The following MFSD2A variants were observed in gnomAD, a reference collection of about 807,000 sequenced individuals.
MFSD2A encodes sodium-dependent lysophosphatidylcholine symporter 1.
A neutral mutation model predicts 64.7 loss-of-function variants in MFSD2A; 27 were observed. The observed-to-expected ratio is 0.42, with a 90% confidence interval of 0.31 to 0.58. The LOEUF (loss-of-function observed/expected upper bound fraction) is 0.58, where lower values mean the gene tolerates loss of function less well. Ranked by LOEUF, MFSD2A falls within the 20% of genes least tolerant of loss-of-function variation. MFSD2A has a pLI of 0.18. For synonymous variants in MFSD2A, 258 were observed against 273.4 expected, an observed-to-expected ratio of 0.94 and a Z score of 0.55; for missense variants, 474 against 679.5, an observed-to-expected ratio of 0.70 and a Z score of 3.36.
rs1378948804 is a variant in MFSD2A at position 39,955,880 on chromosome 1, G to GA, written c.93+497dup. On this transcript the variant is annotated intron_variant, in intron 1 of 13. Coordinates refer to ENST00000372811, the MANE Select transcript of MFSD2A (RefSeq NM_032793.5). The surrounding 1 kb of genome is among the most constrained non-coding windows in gnomAD (Gnocchi z 5.9). The stretch of plus-strand genomic sequence containing the variant: ...AGCCGCGTCCCTCAGGCATTTGTCT[G>GA]AATGTGGATGTTCGCGCGGGAACGG... 1 of 249,578 alleles carries GA rather than the reference G, an allele frequency of 4.0e-6. No individual in the cohort carries two copies. Among genetic ancestry groups the GA allele is most frequent in the Non-Finnish European group, 8.2e-6 (1 of 121,812 alleles). 15.5% of individuals were successfully genotyped at this position (249,578 alleles called of 1,614,324 possible). A position where few individuals can be genotyped will look rare whatever the true frequency, so the allele number is the denominator to read the frequency against.
In MFSD2A at chr1:39,966,608, C is replaced by T; in HGVS notation, c.722C>T (p.Ala241Val). ...GTTSHRETQK[A>V]YLLAAGVIVC... ...GCCTTCACCTCCTTATAGCAAAAGGCATACCTGCTGGCAGCGGGGGTCATT... is the reference window on the plus strand; with the variant it reads ...GCCTTCACCTCCTTATAGCAAAAGGTATACCTGCTGGCAGCGGGGGTCATT... Residue 241 changes from alanine (A) to valine (V), a missense_variant, in exon 7 of 14, where the codon GCA becomes GTA. Ala to Val is a moderately conservative substitution (Grantham distance 64). Coordinates refer to ENST00000372811, the MANE Select transcript of MFSD2A (RefSeq NM_032793.5). The T allele has an allele frequency of 1.2e-6, 2 of 1,612,504 alleles. No homozygotes were observed. The highest frequency in any genetic ancestry group is 1.7e-6 in the Non-Finnish European group (2 of 1,179,124).
Position 39,969,925 on chromosome 1 carries a change from A to C in MFSD2A, c.*357A>C. On this transcript the variant is annotated 3_prime_UTR_variant, in exon 14 of 14. Transcript: ENST00000372811. ...GTATGTATATGTCTGTGAGCTATTA[A>C]TGTTATTAATTTTCATAAAAGCTGG... 1 of 227,432 alleles carries C rather than the reference A, an allele frequency of 4.4e-6. No individual in the cohort carries two copies. The highest frequency in any genetic ancestry group is 8.6e-6 in the Non-Finnish European group (1 of 116,104). 14.1% of individuals were successfully genotyped at this position (227,432 alleles called of 1,614,324 possible). A position where few individuals can be genotyped will look rare whatever the true frequency, so the allele number is the denominator to read the frequency against.
At position 39,958,616 on chromosome 1, in the gene MFSD2A, G is replaced by A; in HGVS notation, c.229-85G>A. ...GTCACAAGATCCTGGCTGAGATAGG[G>A]AGGGAGCCTCTGCTTCTGCCTACCA... On this transcript the variant is annotated intron_variant, in intron 2 of 13. Coordinates refer to ENST00000372811, the MANE Select transcript of MFSD2A (RefSeq NM_032793.5). This position sits in a 1 kb window ranked among gnomAD's most constrained non-coding sequence, Gnocchi z 4.7. The A allele has an allele frequency of 6.2e-7, 1 of 1,611,772 alleles. No individual in the cohort carries two copies. Among genetic ancestry groups the A allele is most frequent in the Non-Finnish European group, 8.5e-7 (1 of 1,178,080 alleles).
chr1:39,965,803 C>T lies in MFSD2A; in HGVS notation c.557-54C>T, dbSNP rs1451861966. 5 of 1,604,542 alleles carry T rather than the reference C, an allele frequency of 3.1e-6. No individual in the cohort carries two copies. The Admixed American group carries it at 6.7e-5, about 21-fold the overall frequency. ...GGCTCCCACCCATTTGACCTTCCTCCCTGGGCCCACAATCCATGAGGCCCC... is the reference window on the plus strand; with the variant it reads ...GGCTCCCACCCATTTGACCTTCCTCTCTGGGCCCACAATCCATGAGGCCCC... On this transcript the variant is annotated intron_variant, in intron 5 of 13. Transcript: ENST00000372811. This position sits in a 1 kb window ranked among gnomAD's most constrained non-coding sequence, Gnocchi z 5.5.
Position 39,955,512 on chromosome 1 carries a change from C to T in MFSD2A, c.93+127C>T. 7.8e-6 allele frequency: 8 copies of T among 1,023,378 alleles called. No individual in the cohort carries two copies. Among genetic ancestry groups the T allele is most frequent in the Non-Finnish European group, 1.2e-5 (8 of 680,234 alleles). 63.4% of individuals were successfully genotyped at this position (1,023,378 alleles called of 1,614,324 possible). On this transcript the variant is annotated intron_variant, in intron 1 of 13. Transcript: ENST00000372811. This position sits in a 1 kb window ranked among gnomAD's most constrained non-coding sequence, Gnocchi z 5.9. ...TAGCCAGGGACAGGAAGCCTACGAGCCAGAGAGGACCTGGGGGTGCCCTGG... is the reference window on the plus strand; with the variant it reads ...TAGCCAGGGACAGGAAGCCTACGAGTCAGAGAGGACCTGGGGGTGCCCTGG...
intron 2 of MFSD2A, chr1:39,957,797 G>A (rs1644960298): frequency 6.5e-6 from 1 of 152,682 alleles, no homozygotes; most frequent in Admixed American, 6.5e-5. Context: ...TGTCTGGATG[G>A]GAGAGTGGGA....
rs1039234021 is a variant in MFSD2A at position 39,968,923 on chromosome 1, C to T, written c.1529+178C>T. ...TGGTCTTACCTTTATTCAACAAATA[C>T]ATACTGGCTGCCTACTATGTGCTAG... On this transcript the variant is annotated intron_variant, in intron 13 of 13. Coordinates refer to ENST00000372811, the MANE Select transcript of MFSD2A (RefSeq NM_032793.5). The surrounding 1 kb of genome is among the most constrained non-coding windows in gnomAD (Gnocchi z 4.4). Among the ~76,000 whole-genome samples the T allele has an allele frequency of 6.6e-6, 1 of 152,230 alleles. No individual in the cohort carries two copies. Among genetic ancestry groups the T allele is most frequent in the Non-Finnish European group, 1.5e-5 (1 of 68,042 alleles).
Position 39,963,137 on chromosome 1 carries a change from T to A in MFSD2A, c.354-2074T>A. 1 of 1,390,648 alleles carries A rather than the reference T, an allele frequency of 7.2e-7. No homozygotes were observed. Among genetic ancestry groups the A allele is most frequent in the Non-Finnish European group, 1.0e-6 (1 of 1,002,382 alleles). The allele number at this position is 1,390,648 out of a possible 1,614,324, so 86.1% of individuals were successfully genotyped here. Reference sequence around the variant, plus strand: ...GCTCTGTGCTGGTGCGTCTCATCCCTGCACCCAGGAGCACTGGCATCGTCT... The same window carrying A: ...GCTCTGTGCTGGTGCGTCTCATCCCAGCACCCAGGAGCACTGGCATCGTCT... On this transcript the variant is annotated intron_variant, in intron 3 of 13. Transcript: ENST00000372811. The surrounding 1 kb of genome is among the most constrained non-coding windows in gnomAD (Gnocchi z 4.2).
At chr1:39,966,174 G>T (rs1645156883) in intron 6 of MFSD2A, among the ~76,000 whole-genome samples, 160 bp downstream of exon 6, 2 of 152,206 alleles carry the variant, frequency 1.3e-5, no homozygotes, top group African/African-American at 4.8e-5. Context: ...TGCAGAAAAA[G>T]AAACTGAAGC....
chr1:39,965,370 G>T lies in MFSD2A; in HGVS notation c.477+36G>T. 1 of 1,613,666 alleles carries T rather than the reference G, an allele frequency of 6.2e-7. No homozygotes were observed. On this transcript the variant is annotated intron_variant, in intron 4 of 13. Transcript: ENST00000372811. The surrounding 1 kb of genome is among the most constrained non-coding windows in gnomAD (Gnocchi z 5.5). ...GTACCTCCCTTGGGTGTCTCTAGGG[G>T]CCGGGAGGAGGGCGGTCCTTGGGGC...
chr1:39,969,047 C>T (rs1645226899), intron 13 of MFSD2A, among the ~76,000 whole-genome samples: 1 of 152,206 alleles, frequency 6.6e-6, no homozygotes, highest in Admixed American at 6.5e-5. Flanking sequence ...TCCAACAACC[C>T]TAAGTATCAG....
In MFSD2A at chr1:39,957,008, G is replaced by T. The variant is rs914942348; in HGVS notation, c.94-79G>T. ...TTGTTTGTTCTGGTAGAGCTGGCCA[G>T]AGGGATGGTCCTTCCTGTGGAACCT... On this transcript the variant is annotated intron_variant, in intron 1 of 13. Coordinates refer to ENST00000372811, the MANE Select transcript of MFSD2A (RefSeq NM_032793.5). 2.0e-5 allele frequency: 31 copies of T among 1,530,820 alleles called. No homozygotes were observed. The Admixed American group carries it at 5.4e-4, about 27-fold the overall frequency. 94.8% of individuals were successfully genotyped at this position (1,530,820 alleles called of 1,614,324 possible).
chr1:39,961,763 C>T (rs1213350122), intron 3 of MFSD2A, among the ~76,000 whole-genome samples: 5 of 152,226 alleles, frequency 3.3e-5, no homozygotes, highest in African/African-American at 7.2e-5. Flanking sequence ...ACTCCTGCCT[C>T]GGCCTCCCAA....
Position 39,968,578 on chromosome 1 carries a change from G to A in MFSD2A, c.1362G>A (p.Gly454=). ...GISTLSLDFA[G]YQTRGCSQPE... is the part of the protein sequence containing the mutation. ...CCCCTGGGTCCCATAGCTTTGCAGG[G>A]TACCAGACCCGTGGCTGCTCGCAGC... Residue 454 remains glycine, a synonymous_variant, in exon 13 of 14, where the codon GGG becomes GGA. Transcript: ENST00000372811. This position sits in a 1 kb window ranked among gnomAD's most constrained non-coding sequence, Gnocchi z 4.4. 1 of 1,614,150 alleles carries A rather than the reference G, an allele frequency of 6.2e-7. No homozygotes were observed. The highest frequency in any genetic ancestry group is 2.2e-5 in the East Asian group (1 of 44,870).
intron 13 of MFSD2A, 132 bp from the exon 14 acceptor site, chr1:39,969,373 A>T (rs1645234427): frequency 5.8e-6 from 4 of 686,270 alleles, no homozygotes; most frequent in Admixed American, 3.1e-5. Flanking sequence ...AGTGGGAGTG[A>T]GCAAACTCTG....
intron 3 of MFSD2A, among the ~76,000 whole-genome samples, chr1:39,961,608 A>G (rs925556808): frequency 2.0e-5 from 3 of 152,024 alleles, no homozygotes; most frequent in African/African-American, 7.3e-5. Context: ...CGGCCTCCCA[A>G]AGTGCTGGGA....
rs779124027 is a variant in MFSD2A at position 39,965,448 on chromosome 1, C to CAATG, written c.478-21_478-18dup. 9.9e-6 allele frequency: 16 copies of CAATG among 1,613,820 alleles called. No homozygotes were observed. The highest frequency in any genetic ancestry group is 1.6e-4 in the Middle Eastern group (1 of 6,084). On this transcript the variant is annotated intron_variant, in intron 4 of 13. Coordinates refer to ENST00000372811, the MANE Select transcript of MFSD2A (RefSeq NM_032793.5). The surrounding 1 kb of genome is among the most constrained non-coding windows in gnomAD (Gnocchi z 5.5). The stretch of plus-strand genomic sequence containing the variant: ...CAGTGTGTCCACCCGCCTGACCAGC[C>CAATG]AATGACCTGTCTTCTATGCCAGTGT...
In MFSD2A at chr1:39,966,836, G is replaced by C; in HGVS notation, c.831G>C (p.Glu277Asp). 1 of 1,614,106 alleles carries C rather than the reference G, an allele frequency of 6.2e-7. No homozygotes were observed. The highest frequency in any genetic ancestry group is 8.5e-7 in the Non-Finnish European group (1 of 1,180,034). ...QREPYEAQQS[E>D]PIAYFRGLRL... ...AACCCTATGAAGCCCAGCAGTCTGA[G>C]CCAATCGCCTACTTCCGGGGCCTAC... The change falls in exon 8 of 14, where the codon GAG becomes GAC. Residue 277 changes from glutamate (E) to aspartate (D), a missense_variant. Glu to Asp is a conservative substitution (Grantham distance 45, BLOSUM62 2). Transcript: ENST00000372811.
chr1:39,965,275 CCA>C lies in MFSD2A; in HGVS notation c.422_423del (p.His141ArgfsTer14), dbSNP rs757312527. 6.2e-7 allele frequency: 1 copy of C among 1,614,148 alleles called. No homozygotes were observed. The highest frequency in any genetic ancestry group is 8.5e-7 in the Non-Finnish European group (1 of 1,180,006). On this transcript the variant is annotated frameshift_variant, in exon 4 of 14. Transcript: ENST00000372811. LOFTEE classifies it high-confidence loss of function. The surrounding 1 kb of genome is among the most constrained non-coding windows in gnomAD (Gnocchi z 5.5). ...CCTCATCTGGTTCGTGCCCGACTTC[CCA>C]CACGGCCAGACCTATTGGTACCTGC... is the stretch of plus-strand genomic sequence containing the variant. Reference protein sequence around the residue: ...YFLIWFVPDFPHGQTYWYLLF... With the variant: ...YFLIWFVPDFXHGQTYWYLLF...
Sources: gnomAD v4.1 joint callset for allele counts (sites outside exome capture counted in the v4.1 genomes callset) on GRCh38, gnomAD v4.1.1 for gene constraint, Gnocchi (gnomAD v3.1) non-coding constraint, MANE v1.5 for transcripts, NCBI Gene and HGNC (gene_info 2026-07-23, HGNC 2026-07-21) for gene names.